The following CCNY variants were observed in gnomAD, a reference collection of about 807,000 sequenced individuals.
The protein encoded by CCNY is cyclin-Y.
In CCNY, 19 loss-of-function variants were observed where a neutral mutation model predicts 42.8. The observed-to-expected ratio is 0.44, with a 90% CI of 0.31 to 0.65. The LOEUF is 0.65. CCNY is among the 30% of genes least tolerant of loss of function. The probability of loss-of-function intolerance (pLI) is 0.07; values close to 1 mark genes in which losing one functional copy is unlikely to be tolerated. For synonymous variants in CCNY, 165 were observed against 162.7 expected, an observed-to-expected ratio of 1.01 and a Z score of -0.11; for missense variants, 370 against 437.3, an observed-to-expected ratio of 0.85 and a Z score of 1.37.
intron 3 of CCNY, among the ~76,000 whole-genome samples, chr10:35,290,098 C>T (rs975882339): frequency 4.6e-5 from 7 of 151,092 alleles, no homozygotes; most frequent in Non-Finnish European, 1.0e-4. Flanking sequence ...TGGTGGCATG[C>T]GTTTGTAATC....
intron 1 of CCNY, among the ~76,000 whole-genome samples, chr10:35,480,810 T>TA (rs1399310136): frequency 6.6e-6 from 1 of 151,734 alleles, no homozygotes; most frequent in African/African-American, 2.4e-5. Flanking sequence ...CTACAAAAAA[T>TA]AAAAAAATTA....
At position 35,404,934 on chromosome 10, in the gene CCNY, C is replaced by T. The variant is rs1026117357; in HGVS notation, c.154+67727C>T. 7.9e-5 allele frequency among the ~76,000 whole-genome samples: 12 copies of T among 151,838 alleles called. No individual in the cohort carries two copies. In the South Asian group the frequency reaches 8.3e-4, roughly 11 times the overall value. On this transcript the variant is annotated intron_variant, in intron 1 of 9. Transcript: ENST00000374704. ...GTATCAGGGTCAGTCCAAGTGAAAG[C>T]GAAGAGAGGCTGGTATGAAGGGTGC...
At chr10:35,356,506 A>T (rs1294427350) in intron 1 of CCNY, among the ~76,000 whole-genome samples, 1 of 152,124 alleles carries the variant, frequency 6.6e-6, no homozygotes, top group African/African-American at 2.4e-5. Context: ...GAGGACGTGG[A>T]TGTGGCAACG....
chr10:35,446,154 G>C (rs116303736), intron 1 of CCNY, among the ~76,000 whole-genome samples: 1,668 of 152,306 alleles, frequency 0.011, 40 homozygotes, highest in African/African-American at 0.038. Flanking sequence ...TGTTCTTTCA[G>C]ATTTTGGTCT....
chr10:35,254,330 T>A (rs1411663036), intron 3 of CCNY, among the ~76,000 whole-genome samples: 1 of 152,182 alleles, frequency 6.6e-6, no homozygotes, highest in African/African-American at 2.4e-5. Context: ...TTTGGAAATT[T>A]ATTTTGGCTG....
chr10:35,255,032 T>TGTACAC (rs2095714518), intron 3 of CCNY, among the ~76,000 whole-genome samples: 1 of 152,188 alleles, frequency 6.6e-6, no homozygotes, highest in African/African-American at 2.4e-5. Flanking sequence ...TAACTTTCCA[T>TGTACAC]GTACACCTGA....
At chr10:35,280,582 C>T (rs543077831) in intron 3 of CCNY, among the ~76,000 whole-genome samples, 32 of 152,246 alleles carry the variant, frequency 2.1e-4, no homozygotes, top group South Asian at 1.9e-3. Flanking sequence ...ACCCTTACCT[C>T]ACACCATACA....
At position 35,337,998 on chromosome 10, in the gene CCNY, C is replaced by T. The variant is rs186019076; in HGVS notation, c.154+791C>T. 2.0e-5 allele frequency among the ~76,000 whole-genome samples: 3 copies of T among 152,318 alleles called. No individual in the cohort carries two copies. In the East Asian group the frequency reaches 5.8e-4, roughly 29 times the overall value. ...ATTGGTTTGGCAACATATTTATTAG[C>T]ACTGTTGCTCAGTGATAACGACAGA... is the stretch of plus-strand genomic sequence containing the variant. On this transcript the variant is annotated intron_variant, in intron 1 of 9. Transcript: ENST00000374704.
At chr10:35,336,375 C>T (rs969342944), upstream of CCNY, 1 of 152,090 alleles carries the variant, frequency 6.6e-6, no homozygotes, top group Non-Finnish European at 1.5e-5. Flanking sequence ...GATCCCACAA[C>T]CGCGCGGGGC....
intron 1 of CCNY, among the ~76,000 whole-genome samples, chr10:35,376,085 C>G (rs557664446): frequency 6.6e-6 from 1 of 152,264 alleles, no homozygotes; most frequent in African/African-American, 2.4e-5. Context: ...GCTCCTGTAG[C>G]ACATGATGAC....
At chr10:35,524,438 A>C (rs1295526858) in intron 4 of CCNY, among the ~76,000 whole-genome samples, 1 of 152,216 alleles carries the variant, frequency 6.6e-6, no homozygotes, top group Non-Finnish European at 1.5e-5. Context: ...AGAGAGTGAG[A>C]TTAGCTACTG....
At chr10:35,413,769 G>T (rs1837963594) in intron 1 of CCNY, among the ~76,000 whole-genome samples, 1 of 152,234 alleles carries the variant, frequency 6.6e-6, no homozygotes, top group Non-Finnish European at 1.5e-5. Context: ...ATGGCTATGG[G>T]AATATCGGGA....
At chr10:35,300,026 C>T (rs1367921237) in intron 3 of CCNY, among the ~76,000 whole-genome samples, 3 of 152,188 alleles carry the variant, frequency 2.0e-5, no homozygotes, top group African/African-American at 7.2e-5. Flanking sequence ...GAACAGTATC[C>T]TTTCGAGGTC....
intron 3 of CCNY, among the ~76,000 whole-genome samples, chr10:35,302,287 C>G (rs181483258): frequency 6.7e-6 from 1 of 149,192 alleles, no homozygotes; most frequent in African/African-American, 2.5e-5. Context: ...ATCAAAACAG[C>G]AGGTTAATAC....
At chr10:35,296,800 G>C (rs769217248) in intron 3 of CCNY, among the ~76,000 whole-genome samples, 1 of 152,146 alleles carries the variant, frequency 6.6e-6, no homozygotes, top group Non-Finnish European at 1.5e-5. Context: ...TTCTGAAATT[G>C]AAGCAGTAAT....
In CCNY at chr10:35,569,101, C is replaced by G. The variant is rs766833961; in HGVS notation, c.957C>G (p.Ser319=). The part of the protein sequence containing the change: ...CEDKYKDLRR[S]ARKRSASADN... Reference sequence around the variant, plus strand: ...ACAAGTACAAGGACCTAAGAAGATCCGCGAGGAAGCGCTCAGCCAGTGCAG... The same window carrying G: ...ACAAGTACAAGGACCTAAGAAGATCGGCGAGGAAGCGCTCAGCCAGTGCAG... Residue 319 remains serine, a synonymous_variant, in exon 10 of 10, where the codon TCC becomes TCG. Coordinates refer to ENST00000374704, the MANE Select transcript of CCNY (RefSeq NM_145012.6). 6.2e-7 allele frequency: 1 copy of G among 1,612,966 alleles called. No homozygotes were observed. The highest frequency in any genetic ancestry group is 8.5e-7 in the Non-Finnish European group (1 of 1,179,922).
chr10:35,439,399 G>A (rs1452752727), intron 1 of CCNY, among the ~76,000 whole-genome samples: 1 of 152,102 alleles, frequency 6.6e-6, no homozygotes, highest in Non-Finnish European at 1.5e-5. Flanking sequence ...CTGCTGTTGA[G>A]CACATCTACT....
chr10:35,519,391 A>G (rs1310508564), intron 4 of CCNY, among the ~76,000 whole-genome samples: 1 of 150,122 alleles, frequency 6.7e-6, no homozygotes, highest in East Asian at 2.0e-4. Flanking sequence ...TTTTTAACAG[A>G]TCTTGATTGA....
At chr10:35,478,777 A>G (rs1162497080) in intron 1 of CCNY, among the ~76,000 whole-genome samples, 2 of 152,242 alleles carry the variant, frequency 1.3e-5, no homozygotes, top group African/African-American at 4.8e-5. Flanking sequence ...ACAAAAGCCA[A>G]AATTGACAAA....
Sources: allele counts gnomAD v4.1 joint callset (sites outside exome capture counted in the v4.1 genomes callset), GRCh38; gene constraint gnomAD v4.1.1; transcripts MANE v1.5; gene names NCBI Gene and HGNC (gene_info 2026-07-23, HGNC 2026-07-21).